Variants in STAG1 observed in about 807,000 individuals in gnomAD.
STAG1 encodes cohesin subunit SA-1.
Under a neutral mutation model 170.9 loss-of-function variants are expected in STAG1, and 26 were observed. The ratio of observed to expected loss-of-function variants is 0.15; its 90% CI spans 0.11 to 0.21. STAG1 has a LOEUF of 0.21. Ranked by LOEUF, STAG1 falls within the 10% of genes least tolerant of loss-of-function variation. The pLI is 1.00. For missense variants in STAG1, 964 were observed against 1,509.5 expected (o/e 0.64, Z 5.99); for synonymous variants, 514 against 497.7 (o/e 1.03, Z -0.44).
intron 10 of STAG1, among the ~76,000 whole-genome samples, chr3:136,474,891 T>C (rs1222354465): frequency 2.0e-5 from 3 of 152,114 alleles, no homozygotes; most frequent in African/African-American, 7.2e-5. Context: ...CCTAGGAGGT[T>C]ATGCTCCATC....
chr3:136,338,148 C>T lies in STAG1; in HGVS notation c.*106G>A. On this transcript the variant is annotated 3_prime_UTR_variant, in exon 34 of 34. Coordinates refer to ENST00000383202, the MANE Select transcript of STAG1 (RefSeq NM_005862.3). ...TGACCTTAATCATTTGATTAAAAAA[C>T]AAATCAGATCACATCAAAAGTGTTT... is the stretch of plus-strand genomic sequence containing the variant. 1 of 751,100 alleles carries T rather than the reference C, an allele frequency of 1.3e-6. No homozygotes were observed. Among genetic ancestry groups the T allele is most frequent in the Non-Finnish European group, 2.3e-6 (1 of 441,386 alleles). The allele number at this position is 751,100 out of a possible 1,614,324, so 46.5% of individuals were successfully genotyped here.
intron 1 of STAG1, among the ~76,000 whole-genome samples, chr3:136,689,364 A>C (rs770506808): frequency 2.6e-4 from 40 of 152,248 alleles, no homozygotes; most frequent in Non-Finnish European, 5.4e-4. Flanking sequence ...TAAATGGCAT[A>C]ATAAGCCAAA....
chr3:136,376,678 T>C (rs1937619963), intron 23 of STAG1, among the ~76,000 whole-genome samples: 2 of 152,274 alleles, frequency 1.3e-5, no homozygotes, highest in South Asian at 2.1e-4. Flanking sequence ...GGCTAAAGTG[T>C]TGGCATGCAT....
intron 1 of STAG1, among the ~76,000 whole-genome samples, chr3:136,718,675 A>G (rs1430279640): frequency 1.3e-5 from 2 of 152,204 alleles, no homozygotes; most frequent in East Asian, 1.9e-4. Flanking sequence ...CTGTAATCCC[A>G]GCACTTTGGG....
At chr3:136,702,075 A>AAGAGAGAGAGAGAG (rs745623191) in intron 1 of STAG1, among the ~76,000 whole-genome samples, 61 of 92,196 alleles carry the variant, frequency 6.6e-4, no homozygotes, top group East Asian at 1.3e-3. Flanking sequence ...ACCATGCCGA[A>AAGAGAGAGAGAGAG]AGAGAGAGAG....
chr3:136,358,940 G>A (rs1464286338), intron 27 of STAG1, among the ~76,000 whole-genome samples: 1 of 152,078 alleles, frequency 6.6e-6, no homozygotes, highest in Non-Finnish European at 1.5e-5. Context: ...ATTAAATTTT[G>A]CTTTCCATAC....
At chr3:136,372,260 G>C (rs1364389756) in intron 23 of STAG1, among the ~76,000 whole-genome samples, 1 of 152,126 alleles carries the variant, frequency 6.6e-6, no homozygotes, top group African/African-American at 2.4e-5. Flanking sequence ...TGAGACGATG[G>C]GGTTTTCTAA....
chr3:136,369,648 T>C (rs765380338), intron 23 of STAG1, among the ~76,000 whole-genome samples: 13 of 152,160 alleles, frequency 8.5e-5, no homozygotes, highest in East Asian at 1.9e-4. Context: ...ACAAAATTGA[T>C]AGATTATAAC....
intron 4 of STAG1, among the ~76,000 whole-genome samples, chr3:136,599,959 T>C (rs1938593210): frequency 6.6e-6 from 1 of 152,284 alleles, no homozygotes; most frequent in Non-Finnish European, 1.5e-5. Context: ...AACCAGATCA[T>C]ATAAAAGACA....
At chr3:136,502,461 T>C (rs1933535712) in intron 8 of STAG1, among the ~76,000 whole-genome samples, 167 bp downstream of exon 8, 1 of 152,204 alleles carries the variant, frequency 6.6e-6, no homozygotes, top group Non-Finnish European at 1.5e-5. Context: ...CAGACGGCAC[T>C]TACATGATCA....
intron 21 of STAG1, among the ~76,000 whole-genome samples, chr3:136,400,505 G>A (rs528791434): frequency 1.7e-4 from 26 of 151,084 alleles, no homozygotes; most frequent in African/African-American, 6.3e-4. Flanking sequence ...ATAGGCGTGA[G>A]CCACCACGCC....
chr3:136,452,674 T>C (rs940818927), intron 13 of STAG1, among the ~76,000 whole-genome samples: 4 of 152,150 alleles, frequency 2.6e-5, no homozygotes, highest in African/African-American at 7.2e-5. Context: ...TTAAACTAGA[T>C]ATAAAATGTA....
chr3:136,743,499 T>C (rs1409904034), intron 1 of STAG1, among the ~76,000 whole-genome samples: 1 of 151,626 alleles, frequency 6.6e-6, no homozygotes, highest in African/African-American at 2.4e-5. Flanking sequence ...ATGAACCAAT[T>C]TCCCTAAACT....
At chr3:136,525,685 G>C (rs2107916415) in intron 6 of STAG1, among the ~76,000 whole-genome samples, 1 of 152,292 alleles carries the variant, frequency 6.6e-6, no homozygotes, top group Non-Finnish European at 1.5e-5. Context: ...CAATTGTGAT[G>C]TTAGGGTGTC....
rs963110513 is a variant in STAG1 at position 136,694,216 on chromosome 3, C to T, written c.-84+57979G>A. 4.6e-5 allele frequency among the ~76,000 whole-genome samples: 7 copies of T among 152,082 alleles called. No homozygotes were observed. In the East Asian group the frequency reaches 7.7e-4, roughly 17 times the overall value. On this transcript the variant is annotated intron_variant, in intron 1 of 33. Coordinates refer to ENST00000383202, the MANE Select transcript of STAG1 (RefSeq NM_005862.3). ...TGCAAGTTGATACTTATCCCAATAT[C>T]GTAGGCCAGAAGCTGAGGAAGTGGA...
chr3:136,476,937 AT>A (rs201095639), intron 10 of STAG1, among the ~76,000 whole-genome samples: 1 of 152,096 alleles, frequency 6.6e-6, no homozygotes, highest in African/African-American at 2.4e-5. Flanking sequence ...GTCCTAGAAA[AT>A]TTTTTTTAAA....
At chr3:136,545,713 G>C (rs571008960) in intron 5 of STAG1, among the ~76,000 whole-genome samples, 1 of 149,994 alleles carries the variant, frequency 6.7e-6, no homozygotes, top group South Asian at 2.1e-4. Context: ...TGTGCAAAAA[G>C]GAAAAAAAAA....
At chr3:136,452,424 C>G (rs1303585714) in intron 13 of STAG1, among the ~76,000 whole-genome samples, 2 of 151,740 alleles carry the variant, frequency 1.3e-5, no homozygotes, top group Non-Finnish European at 2.9e-5. Flanking sequence ...ATTAGCCGGG[C>G]ATGGTGGCGG....
At chr3:136,635,059 G>C (rs1441768474) in intron 1 of STAG1, among the ~76,000 whole-genome samples, 1 of 152,048 alleles carries the variant, frequency 6.6e-6, no homozygotes, top group Non-Finnish European at 1.5e-5. Context: ...TACCAAACAT[G>C]GTTTAAAAAG....
Sources: gnomAD v4.1 joint callset for allele counts (sites outside exome capture counted in the v4.1 genomes callset) on GRCh38, gnomAD v4.1.1 for gene constraint, MANE v1.5 for transcripts, NCBI Gene and HGNC (gene_info 2026-07-23, HGNC 2026-07-21) for gene names.